Variants in NLGN2 observed in about 807,000 individuals in gnomAD.
NLGN2 encodes neuroligin-2.
A neutral mutation model predicts 48.6 loss-of-function variants in NLGN2; 11 were observed. The observed-to-expected ratio is 0.23, with a 90% confidence interval of 0.14 to 0.37. The LOEUF is 0.37. NLGN2 is among the 10% of genes least tolerant of loss of function. NLGN2 has a pLI of 1.00. For synonymous variants in NLGN2, 548 were observed against 550.0 expected, an observed-to-expected ratio of 1.00 and a Z score of 0.05; for missense variants, 801 against 1,225.2, an observed-to-expected ratio of 0.65 and a Z score of 5.17.
intron 2 of NLGN2, among the ~76,000 whole-genome samples, chr17:7,412,692 G>GA (rs1906947733): frequency 6.6e-6 from 1 of 151,746 alleles, no homozygotes; most frequent in Admixed American, 6.6e-5. Flanking sequence ...GTCAGACACA[G>GA]AAAACGCAAA....
chr17:7,412,614 A>G (rs1906943531), intron 2 of NLGN2, among the ~76,000 whole-genome samples: 2 of 152,178 alleles, frequency 1.3e-5, no homozygotes, highest in South Asian at 4.1e-4. Flanking sequence ...GTTCAAAAAA[A>G]ATTTAAAAGT....
In NLGN2 at chr17:7,408,094, C is replaced by G. The variant is rs889541631; in HGVS notation, c.-162C>G. ...CCATGGAGAGGAACAGACCCCTTCTCTGTCCAGTCTAACCCAGGTCCCTCC... is the reference window on the plus strand; with the variant it reads ...CCATGGAGAGGAACAGACCCCTTCTGTGTCCAGTCTAACCCAGGTCCCTCC... On this transcript the variant is annotated 5_prime_UTR_variant, in exon 1 of 7. Coordinates refer to ENST00000302926, the MANE Select transcript of NLGN2 (RefSeq NM_020795.4). The surrounding 1 kb of genome is among the most constrained non-coding windows in gnomAD (Gnocchi z 7.5). 2.0e-5 allele frequency: 8 copies of G among 401,718 alleles called. No individual in the cohort carries two copies. Among genetic ancestry groups the G allele is most frequent in the African/African-American group, 1.7e-4 (8 of 46,834 alleles). The allele number at this position is 401,718 out of a possible 1,614,324, so 24.9% of individuals were successfully genotyped here. A position where few individuals can be genotyped will look rare whatever the true frequency, so the allele number is the denominator to read the frequency against.
rs778057850 is a variant in NLGN2 at position 7,415,112 on chromosome 17, C to T, written c.1001C>T (p.Ser334Phe). ...EAVECLRRKP[S>F]RELVDQDVQP... ...GTGGAGTGTCTGCGCCGGAAGCCCTCCCGGGAGCTGGTGGACCAGGACGTG... is the reference window on the plus strand; with the variant it reads ...GTGGAGTGTCTGCGCCGGAAGCCCTTCCGGGAGCTGGTGGACCAGGACGTG... The change falls in exon 5 of 7, where the codon TCC (serine) becomes TTC (phenylalanine). Residue 334 changes from serine (S) to phenylalanine (F), a missense_variant. Ser to Phe is a radical substitution (Grantham distance 155, BLOSUM62 -2). Coordinates refer to ENST00000302926, the MANE Select transcript of NLGN2 (RefSeq NM_020795.4). 2.1e-5 allele frequency: 33 copies of T among 1,606,800 alleles called. No individual in the cohort carries two copies. The South Asian group carries it at 3.6e-4, about 18-fold the overall frequency.
At chr17:7,416,263 A>G (rs1907098108) in intron 6 of NLGN2, among the ~76,000 whole-genome samples, 156 bp downstream of exon 6, 1 of 152,076 alleles carries the variant, frequency 6.6e-6, no homozygotes, top group African/African-American at 2.4e-5. Flanking sequence ...AGCGTTGGAG[A>G]CTCAGCAGTA....
intron 6 of NLGN2, among the ~76,000 whole-genome samples, chr17:7,416,547 C>T (rs571474083): frequency 1.1e-4 from 16 of 152,168 alleles, no homozygotes; most frequent in Non-Finnish European, 1.8e-4. Context: ...CTTTCTCTGG[C>T]TGCCGGCTGA....
rs951937014 is a variant in NLGN2, at chr17:7,418,017, C to T, written c.*218C>T. On this transcript the variant is annotated 3_prime_UTR_variant, in exon 7 of 7. Transcript: ENST00000302926. ...TCTGGGCCTTTGAACAACTGGGGGG[C>T]GTTTTCTCCCCCCCATTGGGACACC... 10 of 369,086 alleles carry T rather than the reference C, an allele frequency of 2.7e-5. No homozygotes were observed. The highest frequency in any genetic ancestry group is 1.3e-4 in the African/African-American group (6 of 47,906). The allele number at this position is 369,086 out of a possible 1,614,324, so 22.9% of individuals were successfully genotyped here. A position where few individuals can be genotyped will look rare whatever the true frequency, so the allele number is the denominator to read the frequency against.
At position 7,418,919 on chromosome 17, in the gene NLGN2, A is replaced by G. The variant is rs1907267915; in HGVS notation, c.*1120A>G. On this transcript the variant is annotated 3_prime_UTR_variant, in exon 7 of 7. Coordinates refer to ENST00000302926, the MANE Select transcript of NLGN2 (RefSeq NM_020795.4). ...GAAAGACTCCCAAAATGTGCCAAGA[A>G]TTTCCCAGTCCCAGGCAGGGCAGGG... 6.6e-6 allele frequency: 1 copy of G among 152,612 alleles called. No individual in the cohort carries two copies. 9.5% of individuals were successfully genotyped at this position (152,612 alleles called of 1,614,324 possible).
rs1252299938 is a variant in NLGN2 at position 7,411,826 on chromosome 17, G to C, written c.458-331G>C. ...ATTTCCAGCAATTAGCAAACACATC[G>C]ACAAGCCAAAACCTTTCCAGCCAAG... is the stretch of plus-strand genomic sequence containing the variant. On this transcript the variant is annotated intron_variant, in intron 1 of 6. Transcript: ENST00000302926. The surrounding 1 kb of genome is among the most constrained non-coding windows in gnomAD (Gnocchi z 4.5). 7.0e-6 allele frequency among the ~76,000 whole-genome samples: 1 copy of C among 143,688 alleles called. No individual in the cohort carries two copies. Among genetic ancestry groups the C allele is most frequent in the South Asian group, 2.3e-4 (1 of 4,368 alleles). The allele number at this position is 143,688 out of a possible 152,430, so 94.3% of individuals were successfully genotyped here. A position where few individuals can be genotyped will look rare whatever the true frequency, so the allele number is the denominator to read the frequency against.
Position 7,408,842 on chromosome 17 carries a change from T to C in NLGN2, c.457+130T>C. On this transcript the variant is annotated intron_variant, in intron 1 of 6. Coordinates refer to ENST00000302926, the MANE Select transcript of NLGN2 (RefSeq NM_020795.4). This position sits in a 1 kb window ranked among gnomAD's most constrained non-coding sequence, Gnocchi z 7.5. ...TGTGGGGGCAGTGAGGGACGGAGTGTCCCTGCAACCTCTACGTGCCCCCTG... is the reference window on the plus strand; with the variant it reads ...TGTGGGGGCAGTGAGGGACGGAGTGCCCCTGCAACCTCTACGTGCCCCCTG... 2 of 1,517,412 alleles carry C rather than the reference T, an allele frequency of 1.3e-6. No homozygotes were observed. Among genetic ancestry groups the C allele is most frequent in the South Asian group, 1.2e-5 (1 of 85,846 alleles). The allele number at this position is 1,517,412 out of a possible 1,614,324, so 94.0% of individuals were successfully genotyped here.
intron 2 of NLGN2, 114 bp from the exon 3 acceptor site, chr17:7,414,230 C>T (rs909890473): frequency 4.3e-6 from 4 of 936,624 alleles, no homozygotes; most frequent in Admixed American, 4.0e-5. Flanking sequence ...TGACATGTCC[C>T]CTGAGCTCCA....
In NLGN2 at chr17:7,411,273, C is replaced by T. The variant is rs564171400; in HGVS notation, c.458-884C>T. The stretch of plus-strand genomic sequence containing the variant: ...AGTGGAGCAGGGGCAGGGGAGGCAG[C>T]GGCTGGTGGCCCTGGTGGGAAATTC... On this transcript the variant is annotated intron_variant, in intron 1 of 6. Coordinates refer to ENST00000302926, the MANE Select transcript of NLGN2 (RefSeq NM_020795.4). This position sits in a 1 kb window ranked among gnomAD's most constrained non-coding sequence, Gnocchi z 4.5. 3.8e-4 allele frequency among the ~76,000 whole-genome samples: 58 copies of T among 152,214 alleles called. No homozygotes were observed. Among genetic ancestry groups the T allele is most frequent in the African/African-American group, 1.2e-3 (49 of 41,528 alleles).
chr17:7,415,203 G>T, intron 5 of NLGN2, 55 bp downstream of exon 5: 1 of 1,491,948 alleles, frequency 6.7e-7, no homozygotes, highest in Non-Finnish European at 9.1e-7. Flanking sequence ...GGAGGCTGAG[G>T]TGAGAGGTGC....
chr17:7,417,004 C>G lies in NLGN2; in HGVS notation c.1713C>G (p.Ser571Arg). 1 of 1,614,208 alleles carries G rather than the reference C, an allele frequency of 6.2e-7. No individual in the cohort carries two copies. Among genetic ancestry groups the G allele is most frequent in the Non-Finnish European group, 8.5e-7 (1 of 1,180,024 alleles). Residue 571 changes from serine to arginine, a missense_variant, in exon 7 of 7, where the codon AGC becomes AGG. Physicochemically the swap from Ser to Arg is moderately radical, Grantham distance 110. Transcript: ENST00000302926. ...KPNRFEEVVW[S>R]KFNSKEKQYL... is the part of the protein sequence containing the mutation. ...ATCGCTTCGAGGAGGTGGTGTGGAG[C>G]AAATTCAACAGCAAGGAGAAGCAGT...
rs180918917 is a variant in NLGN2, at chr17:7,413,441, G to A, written c.509-903G>A. Among the ~76,000 whole-genome samples the A allele has an allele frequency of 5.9e-5, 9 of 152,278 alleles. No individual in the cohort carries two copies. In the East Asian group the frequency reaches 1.7e-3, roughly 29 times the overall value. On this transcript the variant is annotated intron_variant, in intron 2 of 6. Transcript: ENST00000302926. The surrounding 1 kb of genome is among the most constrained non-coding windows in gnomAD (Gnocchi z 4.9). ...GAAAGAGGAGGGCCTGTGGGCCAGG[G>A]GTGACCCCAGCCCTAGCACTATGGC...
chr17:7,417,262 C>T lies in NLGN2; in HGVS notation c.1971C>T (p.Pro657=), dbSNP rs78081080. The T allele has an allele frequency of 0.078, 122,459 of 1,563,236 alleles. 5,304 individuals are homozygous for T. Among genetic ancestry groups the T allele is most frequent in the South Asian group, 0.12 (10,034 of 84,748 alleles). The change falls in exon 7 of 7, where the codon CCC becomes CCT. Residue 657 remains proline (P), a synonymous_variant. Transcript: ENST00000302926. ...TGCCTCCCGAGCCCGAGCCCGAGCC[C>T]GGCCCAAGGGCCTATGACCGCTTCC... The part of the protein sequence containing the change: ...ATLPPEPEPE[P]GPRAYDRFPG...
chr17:7,406,382 G>A (rs1477394028), upstream of NLGN2, among the ~76,000 whole-genome samples: 2 of 151,894 alleles, frequency 1.3e-5, no homozygotes, highest in African/African-American at 4.8e-5. Flanking sequence ...TGGGGAGGGG[G>A]AGGGGGCAGC....
In NLGN2 at chr17:7,414,699, A is replaced by G; in HGVS notation, c.695A>G (p.Asn232Ser). 6.2e-7 allele frequency: 1 copy of G among 1,614,148 alleles called. No individual in the cohort carries two copies. The highest frequency in any genetic ancestry group is 8.5e-7 in the Non-Finnish European group (1 of 1,180,022). ...ACCGGGGACCAGGCTGCAAAAGGCA[A>G]CTATGGGCTCCTGGACCAGATCCAG... Reference protein sequence around the residue: ...LSTGDQAAKGNYGLLDQIQAL... With the variant: ...LSTGDQAAKGSYGLLDQIQAL... Residue 232 changes from asparagine (N) to serine (S), a missense_variant, in exon 4 of 7, where the codon AAC becomes AGC. Around this residue, in one of 5 missense-constraint regions of NLGN2, gnomAD observed 303 missense variants for 600.1 expected, o/e 0.50. Coordinates refer to ENST00000302926, the MANE Select transcript of NLGN2 (RefSeq NM_020795.4).
chr17:7,412,904 T>A (rs28703950), intron 2 of NLGN2, among the ~76,000 whole-genome samples: 4 of 104,686 alleles, frequency 3.8e-5, no homozygotes, highest in South Asian at 5.9e-4. Context: ...TTTCTTTCTT[T>A]CTTTCTTTCT....
chr17:7,411,567 G>T lies in NLGN2; in HGVS notation c.458-590G>T, dbSNP rs965709172. Reference sequence around the variant, plus strand: ...CTTCTGGGGCTGAGCTGTGGGGCAGGCTGCCCCCCAACCCTGTCCTGCTCG... The same window carrying T: ...CTTCTGGGGCTGAGCTGTGGGGCAGTCTGCCCCCCAACCCTGTCCTGCTCG... On this transcript the variant is annotated intron_variant, in intron 1 of 6. Coordinates refer to ENST00000302926, the MANE Select transcript of NLGN2 (RefSeq NM_020795.4). This position sits in a 1 kb window ranked among gnomAD's most constrained non-coding sequence, Gnocchi z 4.5. Among the ~76,000 whole-genome samples the T allele has an allele frequency of 2.6e-5, 4 of 152,186 alleles. No individual in the cohort carries two copies. The highest frequency in any genetic ancestry group is 6.5e-5 in the Admixed American group (1 of 15,282).
Sources: gnomAD v4.1 joint callset for allele counts (sites outside exome capture counted in the v4.1 genomes callset) on GRCh38, gnomAD v4.1.1 for gene constraint, gnomAD v4.1.1 regional missense constraint, Gnocchi (gnomAD v3.1) non-coding constraint, MANE v1.5 for transcripts, NCBI Gene and HGNC (gene_info 2026-07-23, HGNC 2026-07-21) for gene names.